Variants in PLCZ1 observed in about 807,000 individuals in gnomAD.
PLCZ1 encodes the protein phospholipase C zeta 1, also known as 1-phosphatidylinositol 4,5-bisphosphate phosphodiesterase zeta-1.
Under a neutral mutation model 76.8 loss-of-function variants are expected in PLCZ1, and 64 were observed. The observed-to-expected ratio is 0.83, with a 90% CI of 0.68 to 1.03. The LOEUF (loss-of-function observed/expected upper bound fraction) is 1.03, where lower values mean the gene tolerates loss of function less well. Among genes scored for constraint, PLCZ1 ranks in the 50% least tolerant of loss-of-function variants. PLCZ1 has a pLI of 0.00. For missense variants in PLCZ1, 751 were observed against 713.7 expected, an observed-to-expected ratio of 1.05 and a Z score of -0.60; for synonymous variants, 248 against 230.8, an observed-to-expected ratio of 1.07 and a Z score of -0.68.
rs1416442699 is a variant in PLCZ1, at chr12:18,696,226, T to G, written c.1215A>C (p.Arg405Ser). 1 of 1,599,462 alleles carries G rather than the reference T, an allele frequency of 6.3e-7. No homozygotes were observed. The highest frequency in any genetic ancestry group is 8.5e-7 in the Non-Finnish European group (1 of 1,170,524). Reference protein sequence around the residue: ...FIFHTRKFITRIYPKATRADS... With the variant: ...FIFHTRKFITSIYPKATRADS... ...CTGCTCTTGTTGCTTTGGGATATAT[T>G]CTGGTAATGAACTTCCTGGTGTGAA... Residue 405 changes from arginine to serine, a missense_variant, in exon 11 of 15, where the codon AGA (arginine) becomes AGC (serine). Arg to Ser is a moderately radical substitution (Grantham distance 110). Transcript: ENST00000266505.
At chr12:18,685,949 A>T (rs1347875436) in intron 13 of PLCZ1, among the ~76,000 whole-genome samples, 1 of 151,966 alleles carries the variant, frequency 6.6e-6, no homozygotes, top group Non-Finnish European at 1.5e-5. Flanking sequence ...CAGGATACCA[A>T]ATTTGATAGT....
intron 13 of PLCZ1, among the ~76,000 whole-genome samples, chr12:18,684,888 C>A (rs757204049): frequency 1.3e-5 from 2 of 151,878 alleles, no homozygotes; most frequent in South Asian, 2.1e-4. Flanking sequence ...CTCATGAGAT[C>A]TGATGGTTTT....
At chr12:18,711,441 G>A (rs1410704983) in intron 6 of PLCZ1, among the ~76,000 whole-genome samples, 2 of 148,722 alleles carry the variant, frequency 1.3e-5, no homozygotes, top group African/African-American at 4.9e-5. Flanking sequence ...GCTAAATGAC[G>A]AGTTAGTGGG....
At chr12:18,648,099 A>G in the PLCZ1 span, 2 of 914,086 alleles carry the variant, frequency 2.2e-6, no homozygotes, top group African/African-American at 3.4e-5. Flanking sequence ...TCTGAATCAC[A>G]TAAGTAAGGC....
At chr12:18,719,752 G>A in intron 4 of PLCZ1, 120 bp from the exon 5 acceptor site, 1 of 620,220 alleles carries the variant, frequency 1.6e-6, no homozygotes, top group Non-Finnish European at 2.6e-6. Flanking sequence ...TATTCCTTTA[G>A]AATTAATATT....
chr12:18,652,265 A>G, the PLCZ1 span, among the ~76,000 whole-genome samples: 3 of 152,170 alleles, frequency 2.0e-5, no homozygotes, highest in Non-Finnish European at 2.9e-5. Context: ...AGTCACATAT[A>G]AGTATATGAC....
chr12:18,669,552 A>T, the PLCZ1 span, among the ~76,000 whole-genome samples: 1 of 152,212 alleles, frequency 6.6e-6, no homozygotes, highest in Non-Finnish European at 1.5e-5. Flanking sequence ...TGGAAAGTCC[A>T]ATCCAGCAGA....
the PLCZ1 span, among the ~76,000 whole-genome samples, chr12:18,647,165 C>T: frequency 1.3e-5 from 2 of 151,522 alleles, no homozygotes; most frequent in African/African-American, 2.4e-5. Context: ...ATAAAAGTAA[C>T]CACAGTATTA....
the PLCZ1 span, among the ~76,000 whole-genome samples, chr12:18,656,743 GCAA>G: frequency 1.6e-5 from 1 of 63,726 alleles, no homozygotes; most frequent in African/African-American, 7.0e-5. Context: ...TCAAACAACA[GCAA>G]CAACAACGAC....
intron 4 of PLCZ1, 143 bp downstream of exon 4, chr12:18,723,168 T>G (rs980688393): frequency 1.8e-5 from 12 of 679,330 alleles, no homozygotes; most frequent in Non-Finnish European, 2.7e-5. Flanking sequence ...AAAATATATT[T>G]TCTCAAAGAT....
At chr12:18,650,714 A>ATC in the PLCZ1 span, among the ~76,000 whole-genome samples, 2 of 3,580 alleles carry the variant, frequency 5.6e-4, no homozygotes, top group African/African-American at 1.5e-3. Flanking sequence ...GTATATATCT[A>ATC]TATATATATA....
At chr12:18,677,181 C>T in the PLCZ1 span, among the ~76,000 whole-genome samples, 4 of 152,180 alleles carry the variant, frequency 2.6e-5, no homozygotes, top group Admixed American at 2.6e-4. Flanking sequence ...AACAGCAGAT[C>T]CTGGTCAGGC....
the PLCZ1 span, among the ~76,000 whole-genome samples, chr12:18,650,662 A>AT: frequency 1.3e-5 from 1 of 78,564 alleles, no homozygotes; most frequent in Non-Finnish European, 2.7e-5. Context: ...ACTGGAATAT[A>AT]AATGTGTGTG....
At chr12:18,698,246 T>C (rs1393046341) in intron 10 of PLCZ1, among the ~76,000 whole-genome samples, 3 of 145,800 alleles carry the variant, frequency 2.1e-5, no homozygotes, top group Non-Finnish European at 4.5e-5. Flanking sequence ...ACTTTTCTTC[T>C]ATTCTATTCT....
the PLCZ1 span, among the ~76,000 whole-genome samples, chr12:18,656,640 G>GT: frequency 6.6e-6 from 1 of 152,064 alleles, no homozygotes; most frequent in African/African-American, 2.4e-5. Flanking sequence ...GGAAGCTCAG[G>GT]TGGAAGGATT....
At chr12:18,705,537 A>G (rs1312544405) in intron 6 of PLCZ1, among the ~76,000 whole-genome samples, 1 of 152,188 alleles carries the variant, frequency 6.6e-6, no homozygotes, top group Non-Finnish European at 1.5e-5. Flanking sequence ...AAGAATAGGA[A>G]CAACTGAAGC....
At chr12:18,650,692 GTGTGTGTGTGTGTATATATCTATA>G in the PLCZ1 span, among the ~76,000 whole-genome samples, 10 of 38,658 alleles carry the variant, frequency 2.6e-4, no homozygotes, top group South Asian at 1.1e-3. Context: ...GTGTGTGTGT[GTGTGTGTGTGTGTATATATCTATA>G]TATATATATA....
At chr12:18,652,280 A>G in the PLCZ1 span, among the ~76,000 whole-genome samples, 1 of 152,176 alleles carries the variant, frequency 6.6e-6, no homozygotes, top group Admixed American at 6.5e-5. Context: ...TATGACTGAT[A>G]TACTTATGAA....
At chr12:18,698,329 ACTACT>A (rs1472380726) in intron 10 of PLCZ1, among the ~76,000 whole-genome samples, 1 of 150,322 alleles carries the variant, frequency 6.7e-6, no homozygotes, top group Non-Finnish European at 1.5e-5. Flanking sequence ...TCTACTCTAT[ACTACT>A]CTATTCTATT....
Sources: allele counts gnomAD v4.1 joint callset (sites outside exome capture counted in the v4.1 genomes callset), GRCh38; gene constraint gnomAD v4.1.1; transcripts MANE v1.5; gene names NCBI Gene and HGNC (gene_info 2026-07-23, HGNC 2026-07-21).